Variants in DPYD observed in about 807,000 individuals in gnomAD.
DPYD encodes the protein dihydropyrimidine dehydrogenase [NADP(+)].
In DPYD, 109 loss-of-function variants were observed where a neutral mutation model predicts 116.2. The ratio of observed to expected loss-of-function variants is 0.94; its 90% confidence interval spans 0.80 to 1.10. The LOEUF is 1.10. Among genes scored for constraint, DPYD ranks in the 50% least tolerant of loss-of-function variants. The probability of loss-of-function intolerance (pLI) is 0.00; values close to 1 mark genes in which losing one functional copy is unlikely to be tolerated. For synonymous variants in DPYD, 440 were observed against 432.0 expected (o/e 1.02, Z -0.23); for missense variants, 1,302 against 1,254.5 (o/e 1.04, Z -0.57).
chr1:97,327,454 T>C (rs1405468019), intron 16 of DPYD, among the ~76,000 whole-genome samples: 1 of 151,988 alleles, frequency 6.6e-6, no homozygotes, highest in African/African-American at 2.4e-5. Context: ...AAAAAGTTCT[T>C]AATTATTGTG....
At chr1:97,428,201 C>T (rs773678099) in intron 14 of DPYD, among the ~76,000 whole-genome samples, 5 of 151,856 alleles carry the variant, frequency 3.3e-5, no homozygotes, top group Non-Finnish European at 7.4e-5. Flanking sequence ...TATGACTTGC[C>T]CAAGTTCATA....
At chr1:97,893,857 A>G (rs1357363730) in intron 1 of DPYD, among the ~76,000 whole-genome samples, 1 of 151,758 alleles carries the variant, frequency 6.6e-6, no homozygotes, top group Non-Finnish European at 1.5e-5. Flanking sequence ...ACAGGTGCCT[A>G]AATGATCTCT....
intron 1 of DPYD, among the ~76,000 whole-genome samples, chr1:97,910,027 T>C (rs1300824609): frequency 6.6e-6 from 1 of 152,130 alleles, no homozygotes; most frequent in African/African-American, 2.4e-5. Flanking sequence ...AGCAGACTTC[T>C]TATGATCTTC....
At chr1:97,631,853 A>G (rs1448690529) in intron 8 of DPYD, among the ~76,000 whole-genome samples, 2 of 152,048 alleles carry the variant, frequency 1.3e-5, no homozygotes, top group Non-Finnish European at 2.9e-5. Context: ...GATGCATAAA[A>G]ATAATATTAG....
At chr1:97,809,142 G>T (rs554285423) in intron 3 of DPYD, among the ~76,000 whole-genome samples, 2 of 152,214 alleles carry the variant, frequency 1.3e-5, no homozygotes, top group East Asian at 3.9e-4. Flanking sequence ...AGAGAAATAT[G>T]ATTTGACCAA....
intron 14 of DPYD, among the ~76,000 whole-genome samples, chr1:97,399,607 A>G (rs146891810): frequency 0.036 from 5,447 of 152,116 alleles, 111 homozygotes; most frequent in Non-Finnish European, 0.058. Flanking sequence ...ATTTGTTTGT[A>G]TCCTCTTTTA....
At chr1:97,445,906 T>C (rs996012784) in intron 14 of DPYD, among the ~76,000 whole-genome samples, 2 of 152,078 alleles carry the variant, frequency 1.3e-5, no homozygotes, top group South Asian at 2.1e-4. Context: ...TTTGTATTTT[T>C]AGTAGAGACG....
At chr1:97,165,235 C>A (rs937362939) in intron 20 of DPYD, among the ~76,000 whole-genome samples, 12 of 152,032 alleles carry the variant, frequency 7.9e-5, no homozygotes, top group African/African-American at 2.2e-4. Context: ...AACAGACACA[C>A]AGACCAATAA....
At chr1:97,292,137 C>G (rs985778301) in intron 18 of DPYD, among the ~76,000 whole-genome samples, 7 of 151,980 alleles carry the variant, frequency 4.6e-5, no homozygotes, top group African/African-American at 7.3e-5. Flanking sequence ...ATTAGATGCT[C>G]TAATTCCAAG....
Position 97,771,406 on chromosome 1 carries a change from G to C in DPYD, c.234-30927C>G, listed in dbSNP as rs1396278893. 2.0e-5 allele frequency among the ~76,000 whole-genome samples: 3 copies of C among 152,102 alleles called. No individual in the cohort carries two copies. The East Asian group carries it at 5.8e-4, about 29-fold the overall frequency. ...ACTTCTGCCTTTTTAACCAGAAATT[G>C]ATCTCTAGTAATATATCCTATAGAG... On this transcript the variant is annotated intron_variant, in intron 3 of 22. Transcript: ENST00000370192.
At chr1:97,090,436 G>A (rs1031707757) in intron 21 of DPYD, among the ~76,000 whole-genome samples, 7 of 152,112 alleles carry the variant, frequency 4.6e-5, no homozygotes, top group African/African-American at 1.7e-4. Context: ...TTATTGTGAG[G>A]ATTAAATGAG....
intron 1 of DPYD, among the ~76,000 whole-genome samples, chr1:97,893,621 T>C (rs1672893679): frequency 2.0e-5 from 3 of 151,374 alleles, no homozygotes; most frequent in Non-Finnish European, 4.4e-5. Flanking sequence ...TGTTATCAAC[T>C]GAAAATAAAT....
intron 8 of DPYD, among the ~76,000 whole-genome samples, chr1:97,677,646 A>T (rs1660216008): frequency 6.6e-6 from 1 of 152,152 alleles, no homozygotes; most frequent in African/African-American, 2.4e-5. Flanking sequence ...TGTAATTAAG[A>T]TCATACAGAC....
intron 19 of DPYD, among the ~76,000 whole-genome samples, chr1:97,194,751 C>T (rs1197577140): frequency 2.6e-5 from 4 of 152,128 alleles, no homozygotes; most frequent in African/African-American, 9.7e-5. Flanking sequence ...GATCCACCCG[C>T]CTCAGCCTCC....
At chr1:97,138,358 C>G (rs897487498) in intron 20 of DPYD, among the ~76,000 whole-genome samples, 3 of 152,154 alleles carry the variant, frequency 2.0e-5, no homozygotes, top group African/African-American at 4.8e-5. Context: ...TGTTGTTCAA[C>G]AAGCATTCTG....
At chr1:97,386,490 C>T (rs902767071) in intron 14 of DPYD, among the ~76,000 whole-genome samples, 1 of 152,060 alleles carries the variant, frequency 6.6e-6, no homozygotes, top group African/African-American at 2.4e-5. Context: ...GCCTCACTAA[C>T]ATATCTGCAT....
At chr1:97,484,973 C>G (rs1281899576) in intron 13 of DPYD, among the ~76,000 whole-genome samples, 1 of 152,102 alleles carries the variant, frequency 6.6e-6, no homozygotes, top group East Asian at 1.9e-4. Flanking sequence ...TAAGCCATCT[C>G]TTTTCTTTCT....
chr1:97,827,917 T>C lies in DPYD; in HGVS notation c.233+197A>G, dbSNP rs553488241. Reference sequence around the variant, plus strand: ...GTAACAAATTAAACATTTACATTTTTTACTGTGCACTGAGGCTTAACATTT... The same window carrying C: ...GTAACAAATTAAACATTTACATTTTCTACTGTGCACTGAGGCTTAACATTT... On this transcript the variant is annotated intron_variant, in intron 3 of 22. Transcript: ENST00000370192. Among the ~76,000 whole-genome samples the C allele has an allele frequency of 1.2e-4, 19 of 152,320 alleles. No individual in the cohort carries two copies. The South Asian group carries it at 1.9e-3, about 15-fold the overall frequency.
At chr1:97,167,617 A>AT (rs1275667639) in intron 20 of DPYD, among the ~76,000 whole-genome samples, 5 of 152,262 alleles carry the variant, frequency 3.3e-5, no homozygotes, top group Non-Finnish European at 4.4e-5. Context: ...AAAGAAATGC[A>AT]TTTTTTTCAG....
Sources: allele counts gnomAD v4.1 joint callset (sites outside exome capture counted in the v4.1 genomes callset), GRCh38; gene constraint gnomAD v4.1.1; transcripts MANE v1.5; gene names NCBI Gene and HGNC (gene_info 2026-07-23, HGNC 2026-07-21).